ISM1: variants seen among roughly 807,000 people sequenced by gnomAD.
ISM1 encodes isthmin 1.
ISM1 carries 25 observed loss-of-function variants against 46.3 expected under a neutral mutation model. The ratio of observed to expected loss-of-function variants is 0.54; its 90% CI spans 0.39 to 0.75. The LOEUF is 0.75. Ranked by LOEUF, ISM1 falls within the 30% of genes least tolerant of loss-of-function variation. The pLI is 0.00. For missense variants in ISM1, 536 were observed against 625.4 expected (o/e 0.86, Z 1.52); for synonymous variants, 255 against 256.7 (o/e 0.99, Z 0.06).
the ISM1 span, among the ~76,000 whole-genome samples, chr20:13,316,504 A>G: frequency 6.6e-6 from 1 of 151,932 alleles, no homozygotes; most frequent in Non-Finnish European, 1.5e-5. Flanking sequence ...GTACTGACCA[A>G]CATATCTCAT....
At chr20:13,281,899 T>C in intron 3 of ISM1, among the ~76,000 whole-genome samples, 1 of 152,208 alleles carries the variant, frequency 6.6e-6, no homozygotes, top group East Asian at 1.9e-4. Context: ...AAAATGCCAA[T>C]TCTGGGCTGC....
chr20:13,237,590 G>T (rs182441381), intron 1 of ISM1, among the ~76,000 whole-genome samples: 1 of 152,306 alleles, frequency 6.6e-6, no homozygotes. Flanking sequence ...AGGGCAGCTA[G>T]GGTGCTGGTA....
chr20:13,262,791 G>C (rs922039294), intron 1 of ISM1, among the ~76,000 whole-genome samples: 1 of 152,162 alleles, frequency 6.6e-6, no homozygotes, highest in East Asian at 1.9e-4. Context: ...ACAGGGATGG[G>C]TGGCCCCTCC....
intron 1 of ISM1, among the ~76,000 whole-genome samples, chr20:13,262,249 C>A (rs1009784305): frequency 6.6e-6 from 1 of 152,328 alleles, no homozygotes; most frequent in South Asian, 2.1e-4. Flanking sequence ...TGGAAGCCCC[C>A]TGGTGGCCAC....
intron 1 of ISM1, among the ~76,000 whole-genome samples, chr20:13,234,932 A>G (rs1310871320): frequency 2.0e-5 from 3 of 152,204 alleles, no homozygotes; most frequent in Non-Finnish European, 4.4e-5. Context: ...TATTTTGACA[A>G]GGTCCCCAGA....
intron 1 of ISM1, among the ~76,000 whole-genome samples, chr20:13,269,908 AT>A (rs1370907938): frequency 6.7e-6 from 1 of 149,656 alleles, no homozygotes; most frequent in Non-Finnish European, 1.5e-5. Context: ...GCATTTGATG[AT>A]TGGATGGATG....
At chr20:13,300,682 G>A (rs1021607509), downstream of ISM1, 1 of 152,138 alleles carries the variant, frequency 6.6e-6, no homozygotes, top group African/African-American at 2.4e-5. Context: ...TGATACAAAT[G>A]CCATAAATAG....
At chr20:13,308,797 C>G in the ISM1 span, among the ~76,000 whole-genome samples, 2 of 152,210 alleles carry the variant, frequency 1.3e-5, no homozygotes, top group Non-Finnish European at 2.9e-5. Context: ...GGAGGTGCAG[C>G]TTATGGGAGG....
intron 1 of ISM1, chr20:13,244,008 CCA>C (rs1382037442): frequency 2.6e-5 from 4 of 152,302 alleles, no homozygotes; most frequent in Admixed American, 2.0e-4. Context: ...TTGTCTATTA[CCA>C]CATCTCCAGT....
At chr20:13,271,265 A>C (rs1306739036) in intron 2 of ISM1, among the ~76,000 whole-genome samples, 1 of 152,206 alleles carries the variant, frequency 6.6e-6, no homozygotes, top group Non-Finnish European at 1.5e-5. Flanking sequence ...GTTACTCTAA[A>C]GTATACATGA....
chr20:13,295,508 C>T (rs2040398443), intron 5 of ISM1, among the ~76,000 whole-genome samples: 1 of 152,174 alleles, frequency 6.6e-6, no homozygotes, highest in Non-Finnish European at 1.5e-5. Context: ...ATGAATGCTA[C>T]CTGGAGAGCC....
the ISM1 span, among the ~76,000 whole-genome samples, chr20:13,323,037 T>C: frequency 2.6e-5 from 4 of 151,802 alleles, no homozygotes; most frequent in Non-Finnish European, 4.4e-5. Context: ...TCCAGAACAA[T>C]TGGGTGCATA....
At chr20:13,280,409 A>C in intron 3 of ISM1, among the ~76,000 whole-genome samples, 1 of 130,692 alleles carries the variant, frequency 7.7e-6, no homozygotes, top group Non-Finnish European at 1.6e-5. Context: ...CCCCCAATAC[A>C]TTTCAAAACT....
chr20:13,299,370 G>C lies in ISM1; in HGVS notation c.1306G>C (p.Ala436Pro), dbSNP rs1258235288. 1 of 1,613,646 alleles carries C rather than the reference G, an allele frequency of 6.2e-7. No individual in the cohort carries two copies. Among genetic ancestry groups the C allele is most frequent in the African/African-American group, 1.3e-5 (1 of 74,950 alleles). Reference protein sequence around the residue: ...CKGDWSRYNEARPPNNGQKCT... With the variant: ...CKGDWSRYNEPRPPNNGQKCT... ...GGGTGACTGGAGCAGGTATAACGAG[G>C]CCCGGCCTCCCAACAACGGACAGAA... Residue 436 changes from alanine (A) to proline (P), a missense_variant, in exon 6 of 6, where the codon GCC becomes CCC. This residue lies in a region of ISM1 where 169 missense variants were observed against 249.3 expected (regional missense o/e 0.68). Transcript: ENST00000262487. This position sits in a 1 kb window ranked among gnomAD's most constrained non-coding sequence, Gnocchi z 5.8.
chr20:13,264,599 G>A (rs952675386), intron 1 of ISM1, among the ~76,000 whole-genome samples: 2 of 152,176 alleles, frequency 1.3e-5, no homozygotes, highest in African/African-American at 4.8e-5. Context: ...CCAGCTGGGG[G>A]ACTCTGGCCA....
the ISM1 span, among the ~76,000 whole-genome samples, chr20:13,306,434 A>G: frequency 6.6e-6 from 1 of 152,126 alleles, no homozygotes; most frequent in Non-Finnish European, 1.5e-5. Flanking sequence ...ACCATTAGAC[A>G]TGCGGTTTTG....
At chr20:13,267,315 G>A (rs1600527548) in intron 1 of ISM1, among the ~76,000 whole-genome samples, 1 of 152,214 alleles carries the variant, frequency 6.6e-6, no homozygotes, top group East Asian at 1.9e-4. Flanking sequence ...CTGGGGGGCA[G>A]GGCGGTTCGG....
Position 13,249,732 on chromosome 20 carries a change from A to T in ISM1, c.139-20772A>T, listed in dbSNP as rs74865162. ...GAACACACAATGGGAAGCCAAAGGA[A>T]GTACTTCTCCTGAACCATTTTTCTC... On this transcript the variant is annotated intron_variant, in intron 1 of 5. Transcript: ENST00000262487. Among the ~76,000 whole-genome samples the T allele has an allele frequency of 2.8e-4, 43 of 152,282 alleles. 1 individual carries two copies. The East Asian group carries it at 6.8e-3, about 24-fold the overall frequency.
Position 13,269,765 on chromosome 20 carries a change from C to T in ISM1, c.139-739C>T, listed in dbSNP as rs557739755. On this transcript the variant is annotated intron_variant, in intron 1 of 5. Transcript: ENST00000262487. ...TCTTTCTTTTCTTCTTGGCAGTCAC[C>T]GTTCTTTGATCTGATCTTATTTATT... 7.2e-5 allele frequency among the ~76,000 whole-genome samples: 11 copies of T among 152,244 alleles called. No individual in the cohort carries two copies. The East Asian group carries it at 1.9e-3, about 27-fold the overall frequency.
Sources: gnomAD v4.1 joint callset for allele counts (sites outside exome capture counted in the v4.1 genomes callset) on GRCh38, gnomAD v4.1.1 for gene constraint, gnomAD v4.1.1 regional missense constraint, Gnocchi (gnomAD v3.1) non-coding constraint, MANE v1.5 for transcripts, NCBI Gene and HGNC (gene_info 2026-07-23, HGNC 2026-07-21) for gene names.